The following ZNF804B variants were observed in gnomAD, a reference collection of about 807,000 sequenced individuals.
ZNF804B encodes zinc finger 804B.
A neutral mutation model predicts 101.4 loss-of-function variants in ZNF804B; 80 were observed. The ratio of observed to expected loss-of-function variants is 0.79; its 90% CI spans 0.66 to 0.95. The LOEUF is 0.95. Among genes scored for constraint, ZNF804B ranks in the 40% least tolerant of loss-of-function variants. The pLI, the probability that ZNF804B is intolerant of heterozygous loss-of-function variation, is 0.00. For synonymous variants in ZNF804B, 622 were observed against 558.8 expected (o/e 1.11, Z -1.59); for missense variants, 1,673 against 1,561.9 (o/e 1.07, Z -1.20).
Position 89,334,635 on chromosome 7 carries a change from A to G in ZNF804B, c.1653A>G (p.Lys551=). 6.2e-7 allele frequency: 1 copy of G among 1,613,846 alleles called. No homozygotes were observed. The highest frequency in any genetic ancestry group is 1.6e-4 in the Middle Eastern group (1 of 6,062). The change falls in exon 4 of 4, where the codon AAA becomes AAG. Residue 551 remains lysine (K), a synonymous_variant. Coordinates refer to ENST00000333190, the MANE Select transcript of ZNF804B (RefSeq NM_181646.5). ...ANPDWEKFQR[K]YNLDYSDSEP... ...CGGATTGGGAAAAATTCCAGAGGAA[A>G]TATAATTTGGACTACAGTGATTCTG...
At chr7:89,187,127 T>A (rs1299555505) in intron 1 of ZNF804B, among the ~76,000 whole-genome samples, 1 of 152,170 alleles carries the variant, frequency 6.6e-6, no homozygotes, top group East Asian at 1.9e-4. Flanking sequence ...GCTTAATCTT[T>A]AACACTAGAC....
chr7:88,950,784 A>G, intron 1 of ZNF804B, among the ~76,000 whole-genome samples: 1 of 151,938 alleles, frequency 6.6e-6, no homozygotes, highest in East Asian at 1.9e-4. Context: ...AAGCTGTAAA[A>G]TGAGAGGCAA....
In ZNF804B at chr7:89,337,297, G is replaced by A. The variant is rs969684312; in HGVS notation, c.*265G>A. On this transcript the variant is annotated 3_prime_UTR_variant, in exon 4 of 4. Transcript: ENST00000333190. The stretch of plus-strand genomic sequence containing the variant: ...AAAGAGTTAAAGATTTGTTTTGGAT[G>A]GGTTCTCGCATAATGTTATAAAATA... Among the ~76,000 whole-genome samples, 5 of 151,962 alleles carry A rather than the reference G, an allele frequency of 3.3e-5. No individual in the cohort carries two copies. The highest frequency in any genetic ancestry group is 1.2e-4 in the African/African-American group (5 of 41,380).
chr7:89,069,039 G>A (rs1310590947), intron 1 of ZNF804B, among the ~76,000 whole-genome samples: 1 of 152,180 alleles, frequency 6.6e-6, no homozygotes, highest in African/African-American at 2.4e-5. Flanking sequence ...CAAAAAGCAT[G>A]AGCAGGTACT....
intron 1 of ZNF804B, among the ~76,000 whole-genome samples, chr7:88,856,839 G>C (rs1018221554): frequency 6.6e-6 from 1 of 152,066 alleles, no homozygotes; most frequent in Non-Finnish European, 1.5e-5. Flanking sequence ...TTTGTCAAAG[G>C]CCTTTTCTGC....
At chr7:89,046,784 TTA>T (rs1231128663) in intron 1 of ZNF804B, among the ~76,000 whole-genome samples, 3 of 152,058 alleles carry the variant, frequency 2.0e-5, no homozygotes, top group African/African-American at 2.4e-5. Flanking sequence ...AGATACCCTA[TTA>T]CTTATCATTT....
intron 2 of ZNF804B, among the ~76,000 whole-genome samples, chr7:89,288,902 A>C (rs1790245707): frequency 6.6e-6 from 1 of 152,238 alleles, no homozygotes; most frequent in Admixed American, 6.5e-5. Context: ...GTATCTCTAA[A>C]GTATGATAAT....
At chr7:88,921,524 C>T (rs1792718907) in intron 1 of ZNF804B, among the ~76,000 whole-genome samples, 1 of 152,056 alleles carries the variant, frequency 6.6e-6, no homozygotes, top group African/African-American at 2.4e-5. Context: ...TATAGGGAAC[C>T]ATATTCCACA....
At chr7:88,805,543 G>C (rs961207630) in intron 1 of ZNF804B, among the ~76,000 whole-genome samples, 2 of 152,168 alleles carry the variant, frequency 1.3e-5, no homozygotes, top group African/African-American at 4.8e-5. Context: ...AACACTAGCA[G>C]TTGTGGACAA....
At chr7:88,814,513 A>T (rs1562801176) in intron 1 of ZNF804B, among the ~76,000 whole-genome samples, 2 of 151,090 alleles carry the variant, frequency 1.3e-5, no homozygotes. Context: ...TGATAATAGC[A>T]CTTTTTCTAC....
At chr7:88,873,850 C>T (rs1453693128) in intron 1 of ZNF804B, among the ~76,000 whole-genome samples, 1 of 152,112 alleles carries the variant, frequency 6.6e-6, no homozygotes, top group African/African-American at 2.4e-5. Flanking sequence ...GGTACCAGTA[C>T]CACACTGTTT....
At chr7:88,978,798 C>CCCTT (rs1562849604) in intron 1 of ZNF804B, among the ~76,000 whole-genome samples, 8 of 76,018 alleles carry the variant, frequency 1.1e-4, no homozygotes, top group African/African-American at 1.3e-4. Context: ...CTCTCTCCCT[C>CCCTT]CCTGCCTCCC....
intron 1 of ZNF804B, among the ~76,000 whole-genome samples, chr7:88,791,746 C>T (rs1263478817): frequency 2.0e-5 from 3 of 152,100 alleles, no homozygotes; most frequent in African/African-American, 7.2e-5. Context: ...ATACAAAGAG[C>T]TTATACACGT....
intron 1 of ZNF804B, among the ~76,000 whole-genome samples, chr7:88,937,115 C>CAAAAAAAAAAAAA (rs3034325): frequency 9.0e-6 from 1 of 110,962 alleles, no homozygotes; most frequent in African/African-American, 3.4e-5. Context: ...ATGAGAATAG[C>CAAAAAAAAAAAAA]AAAAAAAAAA....
rs77655779 is a variant in ZNF804B, at chr7:88,958,714, G to A, written c.108+198630G>A. Among the ~76,000 whole-genome samples the A allele has an allele frequency of 3.9e-3, 597 of 151,456 alleles. 23 individuals are homozygous for A. In the East Asian group the frequency reaches 0.066, roughly 17 times the overall value. On this transcript the variant is annotated intron_variant, in intron 1 of 3. Transcript: ENST00000333190. ...AGACTTTCAGATTTAATGTCACATCGAAGAGTAACTTGTTGCATTTTAGAT... is the reference window on the plus strand; with the variant it reads ...AGACTTTCAGATTTAATGTCACATCAAAGAGTAACTTGTTGCATTTTAGAT...
At chr7:88,910,332 A>C (rs914174949) in intron 1 of ZNF804B, among the ~76,000 whole-genome samples, 1 of 151,902 alleles carries the variant, frequency 6.6e-6, no homozygotes, top group Non-Finnish European at 1.5e-5. Context: ...GCCTGAAGCA[A>C]ACGTCTCCCA....
At chr7:89,025,439 T>C (rs1391227760) in intron 1 of ZNF804B, among the ~76,000 whole-genome samples, 1 of 152,062 alleles carries the variant, frequency 6.6e-6, no homozygotes, top group Non-Finnish European at 1.5e-5. Flanking sequence ...AATTATACTA[T>C]TATAAAAAAA....
chr7:88,866,222 T>A (rs1458073472), intron 1 of ZNF804B, among the ~76,000 whole-genome samples: 4 of 152,234 alleles, frequency 2.6e-5, no homozygotes, highest in Non-Finnish European at 4.4e-5. Context: ...TAAAATTATA[T>A]TATGAAAATA....
chr7:89,056,269 C>CA (rs1789294457), intron 1 of ZNF804B, among the ~76,000 whole-genome samples: 1 of 151,946 alleles, frequency 6.6e-6, no homozygotes. Flanking sequence ...TAGAGGTGGG[C>CA]AAAATTGGGC....
Sources: allele counts gnomAD v4.1 joint callset (sites outside exome capture counted in the v4.1 genomes callset), GRCh38; gene constraint gnomAD v4.1.1; transcripts MANE v1.5; gene names NCBI Gene and HGNC (gene_info 2026-07-23, HGNC 2026-07-21).